Variants in IL1R1 observed in about 807,000 individuals in gnomAD.
IL1R1 encodes interleukin-1 receptor type 1.
A neutral mutation model predicts 50.2 loss-of-function variants in IL1R1; 22 were observed. The observed-to-expected ratio is 0.44, with a 90% CI of 0.31 to 0.63. The LOEUF is 0.63. IL1R1 is among the 20% of genes least tolerant of loss of function. The pLI is 0.07. For missense variants in IL1R1, 509 were observed against 676.2 expected, an observed-to-expected ratio of 0.75 and a Z score of 2.74; for synonymous variants, 251 against 236.7, an observed-to-expected ratio of 1.06 and a Z score of -0.55.
chr2:102,085,800 T>G (rs1679406932), intron 1 of IL1R1, among the ~76,000 whole-genome samples: 1 of 152,194 alleles, frequency 6.6e-6, no homozygotes, highest in African/African-American at 2.4e-5. Context: ...TGGGAATAAC[T>G]GACAACTTTA....
intron 1 of IL1R1, among the ~76,000 whole-genome samples, chr2:102,135,117 T>C (rs1682271373): frequency 6.7e-6 from 1 of 149,508 alleles, no homozygotes; most frequent in African/African-American, 2.5e-5. Flanking sequence ...ACAATTTTAT[T>C]GGCTAATATA....
chr2:102,085,279 C>T (rs557385155), intron 1 of IL1R1, among the ~76,000 whole-genome samples: 98 of 152,302 alleles, frequency 6.4e-4, no homozygotes, highest in African/African-American at 2.3e-3. Flanking sequence ...TGTTTTACAA[C>T]TATTTGCCTA....
At chr2:102,164,737 T>G in intron 3 of IL1R1, 37 bp from the exon 4 acceptor site, 1 of 1,438,372 alleles carries the variant, frequency 7.0e-7, no homozygotes, top group Non-Finnish European at 9.7e-7. Flanking sequence ...CTGGCAGATT[T>G]TTATGTAAAT....
chr2:102,104,350 A>G (rs952687713), upstream of IL1R1, among the ~76,000 whole-genome samples: 5 of 152,214 alleles, frequency 3.3e-5, no homozygotes, highest in Non-Finnish European at 5.9e-5. Context: ...CAAGACTCTG[A>G]TGATGGGAAC....
At chr2:102,145,316 G>A (rs1419292781) in intron 1 of IL1R1, among the ~76,000 whole-genome samples, 1 of 152,160 alleles carries the variant, frequency 6.6e-6, no homozygotes, top group South Asian at 2.1e-4. Flanking sequence ...ACTGTCAGCA[G>A]CCTTTTTCTC....
chr2:102,121,092 C>T (rs779353735), intron 1 of IL1R1, among the ~76,000 whole-genome samples: 4 of 152,248 alleles, frequency 2.6e-5, no homozygotes, highest in South Asian at 2.1e-4. Context: ...AGCTGGCCCC[C>T]GGGAGATGGC....
At chr2:102,140,089 A>C (rs1452620336), upstream of IL1R1, among the ~76,000 whole-genome samples, 2 of 152,156 alleles carry the variant, frequency 1.3e-5, no homozygotes. Flanking sequence ...ATAGCTTTAC[A>C]TTACCATACA....
At chr2:102,087,235 A>T (rs879591004) in intron 1 of IL1R1, among the ~76,000 whole-genome samples, 1 of 152,184 alleles carries the variant, frequency 6.6e-6, no homozygotes, top group African/African-American at 2.4e-5. Context: ...TCTACCCTTG[A>T]TGTTGATGGC....
chr2:102,095,083 T>C (rs547847462), intron 1 of IL1R1, among the ~76,000 whole-genome samples: 1 of 152,340 alleles, frequency 6.6e-6, no homozygotes, highest in South Asian at 2.1e-4. Flanking sequence ...AGCTGTTTCC[T>C]AAGAGTTTAA....
chr2:102,137,847 C>T (rs1341524376), upstream of IL1R1, among the ~76,000 whole-genome samples: 1 of 151,996 alleles, frequency 6.6e-6, no homozygotes, highest in East Asian at 1.9e-4. Context: ...AATACATTGA[C>T]AGTTATATTC....
chr2:102,119,017 CAAA>C (rs56327525), intron 1 of IL1R1, among the ~76,000 whole-genome samples: 40 of 74,500 alleles, frequency 5.4e-4, no homozygotes, highest in East Asian at 5.2e-3. Flanking sequence ...GACTGTGTCT[CAAA>C]AAAAAAAAAA....
At chr2:102,140,676 C>G (rs879365076), upstream of IL1R1, among the ~76,000 whole-genome samples, 1 of 152,156 alleles carries the variant, frequency 6.6e-6, no homozygotes, top group South Asian at 2.1e-4. Context: ...CTCCACCTTA[C>G]GGAAGCCTCC....
intron 1 of IL1R1, among the ~76,000 whole-genome samples, chr2:102,121,361 A>T (rs1681397177): frequency 6.6e-6 from 1 of 152,098 alleles, no homozygotes; most frequent in South Asian, 2.1e-4. Context: ...GCTTTGCCAG[A>T]GGCAGCCCTT....
At chr2:102,163,628 CA>C (rs1337569655) in intron 3 of IL1R1, among the ~76,000 whole-genome samples, 1 of 152,116 alleles carries the variant, frequency 6.6e-6, no homozygotes, top group African/African-American at 2.4e-5. Flanking sequence ...AAATGGAATA[CA>C]ATAGTAATAA....
At chr2:102,152,946 G>T (rs1683825873) in intron 1 of IL1R1, among the ~76,000 whole-genome samples, 1 of 151,744 alleles carries the variant, frequency 6.6e-6, no homozygotes, top group Non-Finnish European at 1.5e-5. Flanking sequence ...CTTGTGCTTA[G>T]GTCTTACAAG....
chr2:102,088,578 G>A (rs532002516), intron 1 of IL1R1, among the ~76,000 whole-genome samples: 9 of 152,318 alleles, frequency 5.9e-5, no homozygotes, highest in African/African-American at 9.6e-5. Flanking sequence ...AGAAATGGAC[G>A]TTGGCGTCAA....
upstream of IL1R1, among the ~76,000 whole-genome samples, chr2:102,139,732 C>T (rs748882859): frequency 7.9e-5 from 12 of 152,224 alleles, no homozygotes; most frequent in South Asian, 2.1e-4. Context: ...GCTCTGGCCA[C>T]GTGACGTACC....
Position 102,134,924 on chromosome 2 carries a change from A to C in IL1R1, c.-83-19017A>C, listed in dbSNP as rs76964084. On this transcript the variant is annotated intron_variant, in intron 1 of 10. Transcript: ENST00000409329. ...CACCTGTTTTTCACGGGCATCTTCTAATTTAGAGACTGTTTCCCTGTGTCA... is the reference window on the plus strand; with the variant it reads ...CACCTGTTTTTCACGGGCATCTTCTCATTTAGAGACTGTTTCCCTGTGTCA... 7.7e-3 allele frequency among the ~76,000 whole-genome samples: 1,171 copies of C among 152,194 alleles called. 14 individuals are homozygous for C. Among genetic ancestry groups the C allele is most frequent in the African/African-American group, 0.027 (1,135 of 41,498 alleles).
At chr2:102,172,651 A>G (rs1459784827) in intron 8 of IL1R1, 36 bp from the exon 9 acceptor site, 1 of 1,551,560 alleles carries the variant, frequency 6.4e-7, no homozygotes, top group Admixed American at 1.9e-5. Context: ...GATGCAATTA[A>G]CTTACACAAG....
Sources: gnomAD v4.1 joint callset for allele counts (sites outside exome capture counted in the v4.1 genomes callset) on GRCh38, gnomAD v4.1.1 for gene constraint, MANE v1.5 for transcripts, NCBI Gene and HGNC (gene_info 2026-07-23, HGNC 2026-07-21) for gene names.